MCTP1: variants seen among roughly 807,000 people sequenced by gnomAD.
MCTP1 encodes the protein multiple C2 and transmembrane domain-containing protein 1.
MCTP1 carries 69 observed loss-of-function variants against 120.6 expected under a neutral mutation model. The observed-to-expected ratio is 0.57, with a 90% CI of 0.47 to 0.70. MCTP1 has a LOEUF of 0.70. Ranked by LOEUF, MCTP1 falls within the 30% of genes least tolerant of loss-of-function variation. The probability of loss-of-function intolerance (pLI) is 0.00; values close to 1 mark genes in which losing one functional copy is unlikely to be tolerated. For missense variants in MCTP1, 1,203 were observed against 1,248.8 expected, an observed-to-expected ratio of 0.96 and a Z score of 0.55; for synonymous variants, 529 against 493.1, an observed-to-expected ratio of 1.07 and a Z score of -0.96.
chr5:94,707,643 G>A lies in MCTP1; in HGVS notation c.2929-76C>T, dbSNP rs78742365. 121 of 1,117,494 alleles carry A rather than the reference G, an allele frequency of 1.1e-4. 2 individuals are homozygous for A. The East Asian group carries it at 2.8e-3, about 25-fold the overall frequency. 69.2% of individuals were successfully genotyped at this position (1,117,494 alleles called of 1,614,324 possible). On this transcript the variant is annotated intron_variant, in intron 22 of 22. Coordinates refer to ENST00000515393, the MANE Select transcript of MCTP1 (RefSeq NM_024717.7). ...AAAGAAAGGAACAGCAAAGGAATGA[G>A]AGACGGTGCTTGGGGGAAGAAAGTG...
chr5:95,066,984 C>T (rs1750817743), intron 1 of MCTP1, among the ~76,000 whole-genome samples: 1 of 152,084 alleles, frequency 6.6e-6, no homozygotes, highest in African/African-American at 2.4e-5. Flanking sequence ...TGACAGGAGG[C>T]GGAGCTTAGG....
intron 12 of MCTP1, among the ~76,000 whole-genome samples, chr5:94,881,809 T>C (rs1274780970): frequency 6.6e-6 from 1 of 152,200 alleles, no homozygotes; most frequent in Non-Finnish European, 1.5e-5. Context: ...TTATTGTTAT[T>C]ATTGTCATTC....
intron 2 of MCTP1, among the ~76,000 whole-genome samples, chr5:94,991,600 T>A (rs1831555207): frequency 6.6e-6 from 1 of 152,072 alleles, no homozygotes. Flanking sequence ...CTTCATGCTT[T>A]AAAGAGTTTA....
intron 1 of MCTP1, among the ~76,000 whole-genome samples, chr5:95,261,467 T>C (rs747561825): frequency 6.6e-6 from 1 of 152,242 alleles, no homozygotes; most frequent in Non-Finnish European, 1.5e-5. Flanking sequence ...CTGTAATAAA[T>C]GATTTTTTGT....
chr5:95,119,096 A>G (rs1237251374), intron 1 of MCTP1, among the ~76,000 whole-genome samples: 2 of 152,246 alleles, frequency 1.3e-5, no homozygotes, highest in Non-Finnish European at 2.9e-5. Context: ...TCTTTTCCAC[A>G]GCACATGGAT....
intron 2 of MCTP1, among the ~76,000 whole-genome samples, chr5:94,963,902 G>A (rs1279596061): frequency 6.6e-6 from 1 of 152,086 alleles, no homozygotes; most frequent in Non-Finnish European, 1.5e-5. Context: ...CCAATGTCAA[G>A]GAGCATTTTC....
intron 2 of MCTP1, among the ~76,000 whole-genome samples, chr5:94,968,930 C>T (rs527337342): frequency 6.6e-6 from 1 of 152,260 alleles, no homozygotes; most frequent in South Asian, 2.1e-4. Context: ...CAGTAAAATT[C>T]AGATTTTGTT....
At chr5:95,081,809 C>T (rs1754982439) in intron 1 of MCTP1, 1 of 1,055,046 alleles carries the variant, frequency 9.5e-7, no homozygotes. Context: ...ACATTAAATA[C>T]TAAAAACTTC....
At chr5:94,800,167 C>T (rs1780914003) in intron 17 of MCTP1, among the ~76,000 whole-genome samples, 1 of 152,162 alleles carries the variant, frequency 6.6e-6, no homozygotes, top group Non-Finnish European at 1.5e-5. Flanking sequence ...GCTTGGTGTG[C>T]AGTAATTTCG....
chr5:94,877,629 CTG>C, intron 12 of MCTP1: 1 of 152,078 alleles, frequency 6.6e-6, no homozygotes. Context: ...GGTGCACTGA[CTG>C]GCTAATTCTC....
intron 1 of MCTP1, among the ~76,000 whole-genome samples, chr5:95,280,422 A>T (rs1382555181): frequency 6.6e-6 from 1 of 152,232 alleles, no homozygotes; most frequent in East Asian, 1.9e-4. Flanking sequence ...ATACTAAAAA[A>T]ATGCAACGTA....
Position 95,188,793 on chromosome 5 carries a change from G to A in MCTP1, c.720+95063C>T, listed in dbSNP as rs768214527. Among the ~76,000 whole-genome samples the A allele has an allele frequency of 2.1e-4, 32 of 152,150 alleles. 1 individual carries two copies. Among genetic ancestry groups the A allele is most frequent in the Middle Eastern group, 6.8e-3 (2 of 294 alleles). On this transcript the variant is annotated intron_variant, in intron 1 of 22. Coordinates refer to ENST00000515393, the MANE Select transcript of MCTP1 (RefSeq NM_024717.7). ...GCAAAACTACACATGAAATAAAATTGTCTAGAACTAAATATACACACACAC... is the reference window on the plus strand; with the variant it reads ...GCAAAACTACACATGAAATAAAATTATCTAGAACTAAATATACACACACAC...
intron 17 of MCTP1, among the ~76,000 whole-genome samples, chr5:94,855,732 G>A (rs1201673097): frequency 2.6e-5 from 4 of 151,652 alleles, no homozygotes; most frequent in African/African-American, 4.8e-5. Context: ...AAACCATGAC[G>A]TAATCGTGAC....
chr5:95,149,202 T>A (rs1321304120), intron 1 of MCTP1, among the ~76,000 whole-genome samples: 1 of 152,172 alleles, frequency 6.6e-6, no homozygotes, highest in Non-Finnish European at 1.5e-5. Flanking sequence ...TAGGACTCCC[T>A]CAGGCAGAGG....
chr5:94,847,682 G>GTGTATATATATATA (rs1169588105), intron 17 of MCTP1, among the ~76,000 whole-genome samples: 10 of 102,378 alleles, frequency 9.8e-5, no homozygotes, highest in African/African-American at 3.8e-4. Context: ...GTGTGTGTGT[G>GTGTATATATATATA]TATATATATA....
chr5:94,893,658 A>C (rs1803197482), intron 11 of MCTP1, among the ~76,000 whole-genome samples: 1 of 152,236 alleles, frequency 6.6e-6, no homozygotes, highest in African/African-American at 2.4e-5. Flanking sequence ...ATTGTAGAGC[A>C]TTAGTACCAG....
chr5:94,732,200 A>G (rs1005879533), intron 19 of MCTP1, among the ~76,000 whole-genome samples: 5 of 152,256 alleles, frequency 3.3e-5, no homozygotes, highest in Admixed American at 6.5e-5. Context: ...TTATTCTGCT[A>G]GGATACAGTG....
intron 17 of MCTP1, among the ~76,000 whole-genome samples, chr5:94,863,468 T>C (rs1481906400): frequency 6.6e-6 from 1 of 151,890 alleles, no homozygotes; most frequent in East Asian, 1.9e-4. Context: ...ATTTCTGTTA[T>C]AAACTTAAAG....
chr5:95,132,738 C>T (rs573689644), intron 1 of MCTP1, among the ~76,000 whole-genome samples: 3 of 152,326 alleles, frequency 2.0e-5, no homozygotes, highest in East Asian at 3.9e-4. Flanking sequence ...CTCGGGGCAG[C>T]CTTCTCTCAC....
Sources: allele counts gnomAD v4.1 joint callset (sites outside exome capture counted in the v4.1 genomes callset), GRCh38; gene constraint gnomAD v4.1.1; transcripts MANE v1.5; gene names NCBI Gene and HGNC (gene_info 2026-07-23, HGNC 2026-07-21).